Variants in DPP10 observed in about 807,000 individuals in gnomAD.
The protein encoded by DPP10 is dipeptidyl peptidase like 10.
In DPP10, 33 loss-of-function variants were observed where a neutral mutation model predicts 120.9. The observed-to-expected ratio is 0.27, with a 90% CI of 0.21 to 0.37. DPP10 has a LOEUF of 0.37. Among genes scored for constraint, DPP10 ranks in the 10% least tolerant of loss-of-function variants. DPP10 has a pLI of 1.00. For missense variants in DPP10, 816 were observed against 942.8 expected (o/e 0.87, Z 1.76); for synonymous variants, 337 against 326.1 (o/e 1.03, Z -0.36).
intron 3 of DPP10, among the ~76,000 whole-genome samples, chr2:115,493,297 C>T (rs2076220850): frequency 1.3e-5 from 2 of 151,748 alleles, no homozygotes; most frequent in African/African-American, 4.8e-5. Flanking sequence ...GTGTAACCAA[C>T]AGGATGGTAT....
intron 3 of DPP10, among the ~76,000 whole-genome samples, chr2:115,469,614 C>T (rs574516520): frequency 1.3e-5 from 2 of 152,042 alleles, no homozygotes; most frequent in African/African-American, 2.4e-5. Flanking sequence ...GACTAGTTTC[C>T]GAGGCTGAGC....
chr2:115,247,167 C>T (rs557539539), intron 1 of DPP10, among the ~76,000 whole-genome samples: 8 of 152,146 alleles, frequency 5.3e-5, no homozygotes, highest in African/African-American at 1.9e-4. Context: ...ATGCTAAGAA[C>T]AGGATAAAGA....
chr2:114,819,737 T>C (rs1685935350), intron 1 of DPP10, among the ~76,000 whole-genome samples: 1 of 152,162 alleles, frequency 6.6e-6, no homozygotes, highest in African/African-American at 2.4e-5. Flanking sequence ...CCTTTTTCTT[T>C]TGTGAGCATC....
intron 1 of DPP10, among the ~76,000 whole-genome samples, chr2:114,539,106 T>C (rs1288195423): frequency 1.3e-5 from 2 of 150,896 alleles, no homozygotes; most frequent in African/African-American, 2.4e-5. Flanking sequence ...GTGATGTTTT[T>C]AAAATAAAAA....
intron 1 of DPP10, among the ~76,000 whole-genome samples, chr2:115,246,864 G>A (rs930154264): frequency 1.3e-5 from 2 of 152,024 alleles, no homozygotes; most frequent in Admixed American, 1.3e-4. Context: ...ATCAAATGAC[G>A]TGGCTTCGAA....
chr2:115,607,749 G>A (rs554370856), intron 5 of DPP10, among the ~76,000 whole-genome samples: 2 of 152,170 alleles, frequency 1.3e-5, no homozygotes, highest in East Asian at 3.9e-4. Flanking sequence ...CAAGATGTAT[G>A]TCCTTGGTGT....
At chr2:114,757,161 A>G (rs1679833828) in intron 1 of DPP10, among the ~76,000 whole-genome samples, 1 of 139,944 alleles carries the variant, frequency 7.1e-6, no homozygotes, top group African/African-American at 2.7e-5. Context: ...GGGGAGGGAG[A>G]GAGGTGGGAG....
chr2:114,933,869 G>A (rs1696262943), intron 1 of DPP10, among the ~76,000 whole-genome samples: 1 of 152,140 alleles, frequency 6.6e-6, no homozygotes, highest in South Asian at 2.1e-4. Context: ...TCATGCTGGT[G>A]TCGTTAGTCA....
intron 1 of DPP10, among the ~76,000 whole-genome samples, chr2:115,265,688 G>C (rs190433733): frequency 6.6e-6 from 1 of 152,230 alleles, no homozygotes; most frequent in Non-Finnish European, 1.5e-5. Flanking sequence ...TAGGTTTAAT[G>C]GTGGCCAGGG....
At chr2:115,569,909 A>G (rs1289151490) in intron 5 of DPP10, among the ~76,000 whole-genome samples, 1 of 148,912 alleles carries the variant, frequency 6.7e-6, no homozygotes, top group Non-Finnish European at 1.5e-5. Flanking sequence ...CTAATTAAAT[A>G]AAACACATGC....
At chr2:115,412,868 G>A (rs563829383) in intron 3 of DPP10, among the ~76,000 whole-genome samples, 1 of 152,258 alleles carries the variant, frequency 6.6e-6, no homozygotes, top group Non-Finnish European at 1.5e-5. Context: ...TGCTTCCATT[G>A]TATTATTAGG....
intron 13 of DPP10, among the ~76,000 whole-genome samples, chr2:115,771,998 G>GT (rs536526607): frequency 1.1e-3 from 155 of 144,644 alleles, no homozygotes; most frequent in Non-Finnish European, 1.5e-3. Context: ...ATTTTAGTGG[G>GT]TTTTTTTTTT....
intron 7 of DPP10, among the ~76,000 whole-genome samples, chr2:115,703,074 G>C (rs1432694756): frequency 2.0e-5 from 3 of 151,838 alleles, no homozygotes; most frequent in Non-Finnish European, 4.4e-5. Context: ...ACGAAGAATG[G>C]AATAATTTCA....
intron 1 of DPP10, among the ~76,000 whole-genome samples, chr2:114,718,399 T>TG (rs1163808432): frequency 1.5e-4 from 11 of 71,052 alleles, no homozygotes; most frequent in Admixed American, 1.3e-3. Context: ...AGACTCTGTT[T>TG]GAAAAAAAAA....
intron 1 of DPP10, among the ~76,000 whole-genome samples, chr2:115,045,021 G>A (rs1180170213): frequency 1.3e-5 from 2 of 152,136 alleles, no homozygotes; most frequent in Non-Finnish European, 2.9e-5. Context: ...TTCATCTGTT[G>A]ATGGATACTT....
In DPP10 at chr2:114,442,717, C is replaced by T. The variant is rs951376061; in HGVS notation, c.-62C>T. 18 of 1,600,620 alleles carry T rather than the reference C, an allele frequency of 1.1e-5. No homozygotes were observed. The highest frequency in any genetic ancestry group is 1.5e-5 in the Non-Finnish European group (18 of 1,170,358). On this transcript the variant is annotated 5_prime_UTR_variant, in exon 1 of 26. Transcript: ENST00000410059. ...CCCTACTGAAGTCCAATAGAGGAGA[C>T]TTGATCTCTAGTTCATTCTGGAACT... is the stretch of plus-strand genomic sequence containing the variant.
At chr2:115,483,588 G>C (rs576440377) in intron 3 of DPP10, among the ~76,000 whole-genome samples, 1 of 152,218 alleles carries the variant, frequency 6.6e-6, no homozygotes, top group East Asian at 1.9e-4. Context: ...CATGATGTTA[G>C]ATGAGGAAAA....
intron 1 of DPP10, among the ~76,000 whole-genome samples, chr2:114,540,501 GT>G (rs1686867481): frequency 6.6e-6 from 1 of 152,126 alleles, no homozygotes; most frequent in Admixed American, 6.5e-5. Flanking sequence ...ACTGGCCATG[GT>G]TTTAAAGTCA....
At chr2:114,737,464 C>T (rs1319667579) in intron 1 of DPP10, among the ~76,000 whole-genome samples, 2 of 152,312 alleles carry the variant, frequency 1.3e-5, no homozygotes, top group East Asian at 3.9e-4. Flanking sequence ...AGATAAACAT[C>T]CCTCCAGCCT....
Sources: allele counts gnomAD v4.1 joint callset (sites outside exome capture counted in the v4.1 genomes callset), GRCh38; gene constraint gnomAD v4.1.1; transcripts MANE v1.5; gene names NCBI Gene and HGNC (gene_info 2026-07-23, HGNC 2026-07-21).